NLGN1: variants seen among roughly 807,000 people sequenced by gnomAD.
NLGN1 encodes the protein neuroligin 1.
Under a neutral mutation model 65.5 loss-of-function variants are expected in NLGN1, and 12 were observed. The observed-to-expected ratio is 0.18, with a 90% CI of 0.12 to 0.30. The LOEUF (loss-of-function observed/expected upper bound fraction) is 0.30. NLGN1 is among the 10% of genes least tolerant of loss of function. NLGN1 has a pLI of 1.00. For missense variants in NLGN1, 750 were observed against 1,007.1 expected (o/e 0.74, Z 3.46); for synonymous variants, 350 against 359.5 (o/e 0.97, Z 0.30).
chr3:174,044,999 T>A (rs551095643), intron 4 of NLGN1, among the ~76,000 whole-genome samples: 1 of 152,060 alleles, frequency 6.6e-6, no homozygotes, highest in African/African-American at 2.4e-5. Context: ...CCAGGCAGAA[T>A]TGTGAGTCAA....
intron 2 of NLGN1, among the ~76,000 whole-genome samples, chr3:173,440,828 C>A (rs1168933449): frequency 6.6e-6 from 1 of 152,124 alleles, no homozygotes; most frequent in Non-Finnish European, 1.5e-5. Context: ...GCTGCATTAG[C>A]CCCTAACAAA....
chr3:173,809,673 C>T (rs1717463066), intron 4 of NLGN1, among the ~76,000 whole-genome samples: 1 of 152,074 alleles, frequency 6.6e-6, no homozygotes, highest in Admixed American at 6.6e-5. Context: ...GTTATGTTAA[C>T]AAAAACTTTA....
chr3:173,691,609 C>T (rs1038299010), intron 3 of NLGN1, among the ~76,000 whole-genome samples: 4 of 151,964 alleles, frequency 2.6e-5, no homozygotes, highest in African/African-American at 7.2e-5. Flanking sequence ...TCAGAGATAA[C>T]GTTTAAGAGT....
At chr3:173,986,349 C>A (rs1379364452) in intron 4 of NLGN1, among the ~76,000 whole-genome samples, 2 of 151,998 alleles carry the variant, frequency 1.3e-5, no homozygotes, top group Non-Finnish European at 2.9e-5. Context: ...TGCCTGTAAT[C>A]CCAGCTACTC....
intron 2 of NLGN1, among the ~76,000 whole-genome samples, chr3:173,581,537 T>C (rs1359861119): frequency 6.6e-6 from 1 of 151,986 alleles, no homozygotes; most frequent in Non-Finnish European, 1.5e-5. Context: ...AAAGAGCTAG[T>C]TGAGGATTAC....
At chr3:173,468,420 G>T (rs1015335448) in intron 2 of NLGN1, among the ~76,000 whole-genome samples, 2 of 151,978 alleles carry the variant, frequency 1.3e-5, no homozygotes, top group Non-Finnish European at 2.9e-5. Flanking sequence ...AAGTAGTTAA[G>T]CTTAGAAACT....
chr3:173,418,686 A>C (rs1349203501), intron 1 of NLGN1, among the ~76,000 whole-genome samples: 1 of 152,224 alleles, frequency 6.6e-6, no homozygotes, highest in Non-Finnish European at 1.5e-5. Context: ...TATTCTGTTT[A>C]TGTAAACACA....
chr3:173,761,520 T>G (rs1011465329), intron 3 of NLGN1, among the ~76,000 whole-genome samples: 1 of 152,052 alleles, frequency 6.6e-6, no homozygotes, highest in African/African-American at 2.4e-5. Flanking sequence ...GCGGGTAGAT[T>G]AGCATGATAT....
chr3:173,839,614 G>T (rs1013967359), intron 4 of NLGN1, among the ~76,000 whole-genome samples: 2 of 152,002 alleles, frequency 1.3e-5, no homozygotes, highest in Non-Finnish European at 2.9e-5. Flanking sequence ...GTAGAGATGG[G>T]GTTTTACCAT....
intron 4 of NLGN1, among the ~76,000 whole-genome samples, chr3:174,128,235 A>G (rs1719388099): frequency 6.6e-6 from 1 of 152,198 alleles, no homozygotes; most frequent in Non-Finnish European, 1.5e-5. Flanking sequence ...CGCTAAGCTT[A>G]GCCTGAGAGC....
At chr3:173,449,097 T>C (rs1042968218) in intron 2 of NLGN1, among the ~76,000 whole-genome samples, 2 of 152,182 alleles carry the variant, frequency 1.3e-5, no homozygotes, top group African/African-American at 4.8e-5. Flanking sequence ...TTTCTTGCCT[T>C]CTGCTAGCTT....
At chr3:173,529,386 G>T (rs975162513) in intron 2 of NLGN1, among the ~76,000 whole-genome samples, 1 of 152,162 alleles carries the variant, frequency 6.6e-6, no homozygotes, top group Non-Finnish European at 1.5e-5. Flanking sequence ...CGGGGTGAAG[G>T]GGGGACAAAG....
intron 2 of NLGN1, among the ~76,000 whole-genome samples, chr3:173,439,376 T>C (rs1375784335): frequency 3.3e-5 from 5 of 152,112 alleles, no homozygotes; most frequent in Non-Finnish European, 7.4e-5. Flanking sequence ...GGAAACTATA[T>C]AGAGGAATTA....
intron 4 of NLGN1, among the ~76,000 whole-genome samples, chr3:174,113,687 T>C (rs1715723691): frequency 6.6e-6 from 1 of 152,164 alleles, no homozygotes; most frequent in Non-Finnish European, 1.5e-5. Flanking sequence ...ATAACACTTA[T>C]CTATGTCATA....
At chr3:174,082,806 C>T (rs1024346158) in intron 4 of NLGN1, among the ~76,000 whole-genome samples, 7 of 151,922 alleles carry the variant, frequency 4.6e-5, no homozygotes, top group Admixed American at 3.9e-4. Context: ...CCACAACCTC[C>T]GCCTCCCAGG....
At chr3:174,143,140 C>G (rs1226474122) in intron 4 of NLGN1, among the ~76,000 whole-genome samples, 1 of 152,166 alleles carries the variant, frequency 6.6e-6, no homozygotes, top group African/African-American at 2.4e-5. Flanking sequence ...AATCACCTCC[C>G]ACCAGGCCCC....
intron 4 of NLGN1, among the ~76,000 whole-genome samples, chr3:173,973,202 A>T (rs1490786692): frequency 6.6e-6 from 1 of 152,156 alleles, no homozygotes; most frequent in African/African-American, 2.4e-5. Context: ...AATGTGTATT[A>T]TCATTGTGGG....
At chr3:173,573,391 G>A (rs902280565) in intron 2 of NLGN1, among the ~76,000 whole-genome samples, 4 of 151,994 alleles carry the variant, frequency 2.6e-5, no homozygotes, top group Admixed American at 2.6e-4. Flanking sequence ...AAGTGTGCAT[G>A]CCTTCAAGTC....
intron 4 of NLGN1, among the ~76,000 whole-genome samples, chr3:173,975,621 C>T (rs186568162): frequency 5.9e-5 from 9 of 152,000 alleles, no homozygotes; most frequent in African/African-American, 2.2e-4. Context: ...TGTGACATTA[C>T]CCAAGATTGC....
Sources: gnomAD v4.1 joint callset for allele counts (sites outside exome capture counted in the v4.1 genomes callset) on GRCh38, gnomAD v4.1.1 for gene constraint, MANE v1.5 for transcripts, NCBI Gene and HGNC (gene_info 2026-07-23, HGNC 2026-07-21) for gene names.